POLK: variants seen among roughly 807,000 people sequenced by gnomAD.
POLK encodes the protein DNA polymerase kappa, also known as polymerase (DNA directed) kappa.
Under a neutral mutation model 94.0 loss-of-function variants are expected in POLK, and 76 were observed. That is an observed-to-expected ratio of 0.81 (90% CI 0.67 to 0.98). POLK has a LOEUF of 0.98. POLK is among the 50% of genes least tolerant of loss of function. POLK has a pLI of 0.00. For missense variants in POLK, 954 were observed against 1,010.1 expected, an observed-to-expected ratio of 0.94 and a Z score of 0.75; for synonymous variants, 349 against 325.4, an observed-to-expected ratio of 1.07 and a Z score of -0.78.
chr5:75,556,188 T>A (rs1339155971), intron 3 of POLK, among the ~76,000 whole-genome samples: 1 of 152,240 alleles, frequency 6.6e-6, no homozygotes, highest in Non-Finnish European at 1.5e-5. Flanking sequence ...GTTGTCAGTA[T>A]TGTGAATTTT....
chr5:75,594,565 G>A (rs1370622185), intron 12 of POLK, among the ~76,000 whole-genome samples: 2 of 152,214 alleles, frequency 1.3e-5, no homozygotes, highest in Non-Finnish European at 2.9e-5. Context: ...TTCAGTGCAT[G>A]TAGAGTATAT....
Position 75,555,878 on chromosome 5 carries a change from G to C in POLK, c.255+3287G>C, listed in dbSNP as rs187408421. Among the ~76,000 whole-genome samples, 258 of 152,188 alleles carry C rather than the reference G, an allele frequency of 1.7e-3. 2 individuals are homozygous for C. Among genetic ancestry groups the C allele is most frequent in the Middle Eastern group, 3.4e-3 (1 of 294 alleles). Reference sequence around the variant, plus strand: ...ATAATATTCAGCACATAAAATAATTGAGCTATCAAGCTATTTGTCCATTTA... The same window carrying C: ...ATAATATTCAGCACATAAAATAATTCAGCTATCAAGCTATTTGTCCATTTA... On this transcript the variant is annotated intron_variant, in intron 3 of 14. Coordinates refer to ENST00000241436, the Ensembl canonical transcript of POLK.
chr5:75,597,770 G>A (rs763493201), exon 14 of POLK: 3 of 1,525,338 alleles, frequency 2.0e-6, no homozygotes, highest in Non-Finnish European at 2.6e-6. Flanking sequence ...AGTACAGAAG[G>A]CTGTAACAAG....
At chr5:75,542,625 A>G (rs185975522) in intron 1 of POLK, among the ~76,000 whole-genome samples, 8 of 149,596 alleles carry the variant, frequency 5.3e-5, no homozygotes, top group African/African-American at 2.0e-4. Flanking sequence ...ACATATATAT[A>G]CACATATATA....
At chr5:75,574,367 G>C (rs902791866) in intron 5 of POLK, among the ~76,000 whole-genome samples, 3 of 152,070 alleles carry the variant, frequency 2.0e-5, no homozygotes, top group African/African-American at 7.2e-5. Context: ...AATTGAAAAG[G>C]GAGTAATCCA....
intron 6 of POLK, among the ~76,000 whole-genome samples, chr5:75,578,244 C>T (rs1407557259): frequency 6.6e-6 from 1 of 152,154 alleles, no homozygotes; most frequent in African/African-American, 2.4e-5. Context: ...CAACCTCCGC[C>T]TCCTGGGTTC....
At chr5:75,534,355 G>A (rs1769342432) in intron 1 of POLK, among the ~76,000 whole-genome samples, 1 of 151,904 alleles carries the variant, frequency 6.6e-6, no homozygotes, top group African/African-American at 2.4e-5. Context: ...AGACTGACTT[G>A]GATTGGGTTT....
Position 75,580,006 on chromosome 5 carries a change from A to G in POLK, c.695-1203A>G, listed in dbSNP as rs146269086. 2.0e-3 allele frequency among the ~76,000 whole-genome samples: 308 copies of G among 151,484 alleles called. 1 individual carries two copies. The East Asian group carries it at 0.027, about 13-fold the overall frequency. ...AAAAAAAAAAGAGAGAAAGAAAATA[A>G]GCTTATTGTGTATGTGCCCTGGGAA... On this transcript the variant is annotated intron_variant, in intron 6 of 14. Transcript: ENST00000241436.
chr5:75,565,982 G>A (rs1177446523), intron 3 of POLK, among the ~76,000 whole-genome samples: 1 of 152,198 alleles, frequency 6.6e-6, no homozygotes, highest in Non-Finnish European at 1.5e-5. Context: ...CCTTTCCCCT[G>A]GTGCTCTGTC....
chr5:75,583,440 A>G (rs1772306792), intron 8 of POLK, 23 bp downstream of exon 8: 6 of 1,470,712 alleles, frequency 4.1e-6, no homozygotes, highest in Non-Finnish European at 5.7e-6. Flanking sequence ...CATAAAGTTT[A>G]TTTATATATG....
chr5:75,579,971 TAAAAAAAAA>T (rs760963756), intron 6 of POLK, among the ~76,000 whole-genome samples: 1 of 125,470 alleles, frequency 8.0e-6, no homozygotes, highest in Non-Finnish European at 1.7e-5. Flanking sequence ...GACCCTGTCT[TAAAAAAAAA>T]AAAAAAAAAA....
At chr5:75,596,645 C>T (rs1459238321) in exon 13 of POLK, 1 of 1,613,956 alleles carries the variant, frequency 6.2e-7, no homozygotes, top group Non-Finnish European at 8.5e-7. Context: ...GATGGACCTT[C>T]AATCAGTGAA....
intron 1 of POLK, chr5:75,512,749 C>T (rs913728823): frequency 6.6e-6 from 1 of 152,102 alleles, no homozygotes; most frequent in Non-Finnish European, 1.5e-5. Context: ...CTTGTAATTG[C>T]CAAGAGTAAA....
chr5:75,530,251 T>TG (rs1337621264), intron 1 of POLK, among the ~76,000 whole-genome samples: 2 of 146,726 alleles, frequency 1.4e-5, no homozygotes, highest in Non-Finnish European at 3.0e-5. Context: ...ATTTCTTTTT[T>TG]TTTTTTTTTT....
the POLK span, chr5:75,609,900 A>G: frequency 6.6e-6 from 1 of 152,236 alleles, no homozygotes; most frequent in African/African-American, 2.4e-5. Context: ...ACAAGTTTGA[A>G]ATGAACATTG....
At chr5:75,524,401 G>C (rs1768734003) in intron 1 of POLK, among the ~76,000 whole-genome samples, 1 of 152,036 alleles carries the variant, frequency 6.6e-6, no homozygotes, top group Non-Finnish European at 1.5e-5. Flanking sequence ...AGTTTAATTG[G>C]CTGCTCTCCT....
rs529800540 is a variant in POLK, at chr5:75,517,974, C to G, written c.-14+6060C>G. Among the ~76,000 whole-genome samples the G allele has an allele frequency of 9.2e-5, 14 of 152,144 alleles. 1 individual carries two copies. The South Asian group carries it at 2.7e-3, about 29-fold the overall frequency. ...GAATATGTTGAACTATCCTTGCGTC[C>G]CTTGGATGAATCCCACTTGATCATG... On this transcript the variant is annotated intron_variant, in intron 1 of 14. Coordinates refer to ENST00000241436, the Ensembl canonical transcript of POLK.
At chr5:75,521,628 G>C (rs1768591398) in intron 1 of POLK, among the ~76,000 whole-genome samples, 1 of 152,042 alleles carries the variant, frequency 6.6e-6, no homozygotes, top group African/African-American at 2.4e-5. Flanking sequence ...AGGAGATAAT[G>C]GTTTGCTGTT....
chr5:75,604,600 C>T (rs1392113157), downstream of POLK, among the ~76,000 whole-genome samples: 1 of 152,158 alleles, frequency 6.6e-6, no homozygotes, highest in East Asian at 1.9e-4. Context: ...TGGTCTTGAA[C>T]TCCTGGCTTC....
Sources: gnomAD v4.1 joint callset for allele counts (sites outside exome capture counted in the v4.1 genomes callset) on GRCh38, gnomAD v4.1.1 for gene constraint, MANE v1.5 for transcripts, NCBI Gene and HGNC (gene_info 2026-07-23, HGNC 2026-07-21) for gene names.